Variants in ELF1 observed in about 807,000 individuals in gnomAD.
The protein encoded by ELF1 is ETS-related transcription factor Elf-1.
In ELF1, 24 loss-of-function variants were observed where a neutral mutation model predicts 59.9. The ratio of observed to expected loss-of-function variants is 0.40; its 90% CI spans 0.29 to 0.56. ELF1 has a LOEUF of 0.56. Among genes scored for constraint, ELF1 ranks in the 20% least tolerant of loss-of-function variants. The pLI is 0.44. For missense variants in ELF1, 627 were observed against 742.2 expected (o/e 0.84, Z 1.80); for synonymous variants, 248 against 266.2 (o/e 0.93, Z 0.67).
At chr13:41,024,515 T>C (rs1566192771) in intron 1 of ELF1, among the ~76,000 whole-genome samples, 1 of 152,160 alleles carries the variant, frequency 6.6e-6, no homozygotes, top group African/African-American at 2.4e-5. Context: ...TATTTCTGGC[T>C]AATTTTGTAT....
chr13:40,961,762 T>C (rs1002862685), intron 2 of ELF1, among the ~76,000 whole-genome samples: 1 of 152,192 alleles, frequency 6.6e-6, no homozygotes, highest in East Asian at 1.9e-4. Context: ...AAGCTCCTGG[T>C]CTTCTAACAA....
chr13:41,018,519 A>C lies in ELF1; in HGVS notation c.-229+709T>G, dbSNP rs148610653. On this transcript the variant is annotated intron_variant, in intron 1 of 8. Transcript: ENST00000239882. Reference sequence around the variant, plus strand: ...GAACAAGTTTTCAGTGTGAATTATAAAACTTCATTTTTTTCTAATAGTAAA... The same window carrying C: ...GAACAAGTTTTCAGTGTGAATTATACAACTTCATTTTTTTCTAATAGTAAA... Among the ~76,000 whole-genome samples the C allele has an allele frequency of 1.9e-4, 29 of 152,302 alleles. No individual in the cohort carries two copies. The East Asian group carries it at 5.4e-3, about 28-fold the overall frequency.
intron 1 of ELF1, among the ~76,000 whole-genome samples, chr13:41,053,366 A>C (rs1247485146): frequency 1.3e-5 from 2 of 152,130 alleles, no homozygotes; most frequent in Non-Finnish European, 2.9e-5. Flanking sequence ...AAAAAAAAAA[A>C]ATTAAGATCA....
intron 1 of ELF1, among the ~76,000 whole-genome samples, chr13:41,030,756 TA>T (rs1279886404): frequency 2.0e-5 from 3 of 148,224 alleles, no homozygotes. Flanking sequence ...CTCACACACA[TA>T]AAAAGAAAGT....
intron 1 of ELF1, among the ~76,000 whole-genome samples, chr13:40,989,489 T>C (rs1873727086): frequency 6.6e-6 from 1 of 152,246 alleles, no homozygotes; most frequent in Non-Finnish European, 1.5e-5. Flanking sequence ...GTATTTACTA[T>C]GAATATATTT....
chr13:40,999,415 C>T (rs761343997), intron 1 of ELF1, among the ~76,000 whole-genome samples: 4 of 152,022 alleles, frequency 2.6e-5, no homozygotes, highest in Admixed American at 6.6e-5. Context: ...AATGCCGACA[C>T]AAAAGAATGC....
intron 1 of ELF1, among the ~76,000 whole-genome samples, chr13:41,047,031 T>G (rs753531967): frequency 2.0e-5 from 3 of 152,240 alleles, no homozygotes; most frequent in Non-Finnish European, 4.4e-5. Context: ...ATTTATTTGA[T>G]CTTCAATCAC....
Position 40,941,961 on chromosome 13 carries a change from C to A in ELF1, c.807-591G>T, listed in dbSNP as rs185249759. ...GAAGCGAGCCACCACACTCAGCCCC[C>A]CTCTGCCAACTTGCCAGGATAATCA... On this transcript the variant is annotated intron_variant, in intron 7 of 8. Coordinates refer to ENST00000239882, the MANE Select transcript of ELF1 (RefSeq NM_172373.4). Among the ~76,000 whole-genome samples the A allele has an allele frequency of 4.6e-5, 7 of 152,234 alleles. No homozygotes were observed. In the East Asian group the frequency reaches 1.3e-3, roughly 29 times the overall value.
chr13:40,979,311 C>T (rs895818588), intron 2 of ELF1, among the ~76,000 whole-genome samples: 9 of 152,058 alleles, frequency 5.9e-5, no homozygotes, highest in African/African-American at 2.2e-4. Context: ...AACATCAACT[C>T]ATTTAATTCT....
At chr13:40,942,866 G>A in intron 7 of ELF1, 86 bp downstream of exon 7, 1 of 1,330,906 alleles carries the variant, frequency 7.5e-7, no homozygotes, top group East Asian at 2.5e-5. Flanking sequence ...CACTATTGGT[G>A]CTTTGCTGAA....
At chr13:40,989,977 A>C (rs777733418) in intron 1 of ELF1, among the ~76,000 whole-genome samples, 1 of 152,068 alleles carries the variant, frequency 6.6e-6, no homozygotes, top group Non-Finnish European at 1.5e-5. Context: ...CATGCATTTA[A>C]AACTTCTTTA....
At chr13:41,040,907 C>CT (rs925790952) in intron 1 of ELF1, among the ~76,000 whole-genome samples, 15 of 152,136 alleles carry the variant, frequency 9.9e-5, no homozygotes, top group African/African-American at 3.6e-4. Flanking sequence ...GTTCCGCAGA[C>CT]TAAGGTAAAC....
intron 1 of ELF1, among the ~76,000 whole-genome samples, chr13:41,015,820 GTC>G (rs1875323933): frequency 6.6e-6 from 1 of 152,152 alleles, no homozygotes; most frequent in Non-Finnish European, 1.5e-5. Flanking sequence ...AACTGAATTT[GTC>G]ACGTAAGATG....
intron 1 of ELF1, among the ~76,000 whole-genome samples, chr13:41,042,919 C>T (rs1231119757): frequency 1.3e-5 from 2 of 152,190 alleles, no homozygotes; most frequent in African/African-American, 4.8e-5. Flanking sequence ...TACAGTACCA[C>T]CAACAGTGTA....
intron 3 of ELF1, 134 bp downstream of exon 3, chr13:40,958,689 TTTTCTTCTCCATG>T: frequency 8.9e-7 from 1 of 1,118,722 alleles, no homozygotes; most frequent in East Asian, 2.9e-5. Context: ...GAAAATGTAA[TTTTCTTCTCCATG>T]TAGGGCTGTA....
chr13:41,010,351 C>T (rs961586924), intron 1 of ELF1, among the ~76,000 whole-genome samples: 4 of 150,898 alleles, frequency 2.7e-5, no homozygotes, highest in African/African-American at 9.7e-5. Flanking sequence ...ACATGGGAGG[C>T]TGAGGTGGAG....
intron 1 of ELF1, among the ~76,000 whole-genome samples, chr13:41,009,833 T>C (rs908464601): frequency 2.4e-4 from 36 of 152,168 alleles, no homozygotes; most frequent in African/African-American, 8.7e-4. Context: ...TTTAATAATG[T>C]AAAACTCTAA....
intron 3 of ELF1, among the ~76,000 whole-genome samples, chr13:40,952,080 T>C (rs534783033): frequency 6.6e-6 from 1 of 152,294 alleles, no homozygotes; most frequent in South Asian, 2.1e-4. Flanking sequence ...TGAGTTGCCA[T>C]TCATCTGTCT....
intron 1 of ELF1, among the ~76,000 whole-genome samples, chr13:41,026,352 T>C (rs1875908816): frequency 6.6e-6 from 1 of 152,152 alleles, no homozygotes; most frequent in Non-Finnish European, 1.5e-5. Flanking sequence ...AGGCAACACA[T>C]TCCTCATTTG....
Sources: allele counts gnomAD v4.1 joint callset (sites outside exome capture counted in the v4.1 genomes callset), GRCh38; gene constraint gnomAD v4.1.1; transcripts MANE v1.5; gene names NCBI Gene and HGNC (gene_info 2026-07-23, HGNC 2026-07-21).